ZPLD1: variants seen among roughly 807,000 people sequenced by gnomAD.
The protein encoded by ZPLD1 is zona pellucida-like domain-containing protein 1.
A neutral mutation model predicts 47.2 loss-of-function variants in ZPLD1; 34 were observed. That is an observed-to-expected ratio of 0.72 (90% CI 0.55 to 0.96). The LOEUF (loss-of-function observed/expected upper bound fraction) is 0.96. Ranked by LOEUF, ZPLD1 falls within the 40% of genes least tolerant of loss-of-function variation. ZPLD1 has a pLI of 0.00. For missense variants in ZPLD1, 512 were observed against 505.8 expected, an observed-to-expected ratio of 1.01 and a Z score of -0.12; for synonymous variants, 176 against 186.2, an observed-to-expected ratio of 0.95 and a Z score of 0.45.
At chr3:102,444,047 A>G (rs977846905) in intron 3 of ZPLD1, among the ~76,000 whole-genome samples, 1 of 152,254 alleles carries the variant, frequency 6.6e-6, no homozygotes, top group Admixed American at 6.5e-5. Context: ...AGTGGAGAAG[A>G]TAGCAATTAG....
At chr3:102,409,544 C>T (rs1488072255) in intron 7 of ZPLD1, among the ~76,000 whole-genome samples, 2 of 151,736 alleles carry the variant, frequency 1.3e-5, no homozygotes, top group Non-Finnish European at 2.9e-5. Flanking sequence ...GTTAAACTAT[C>T]AAAGATATAA....
chr3:102,388,093 C>G (rs1191736297), intron 6 of ZPLD1, among the ~76,000 whole-genome samples: 1 of 152,046 alleles, frequency 6.6e-6, no homozygotes, highest in Non-Finnish European at 1.5e-5. Context: ...ATTTCCTGAC[C>G]TCGTGATCCG....
chr3:102,426,360 A>T (rs578126882), intron 8 of ZPLD1, among the ~76,000 whole-genome samples: 129 of 152,182 alleles, frequency 8.5e-4, no homozygotes, highest in African/African-American at 2.9e-3. Flanking sequence ...TCTACTAAAA[A>T]TACAAAAATT....
At chr3:102,400,903 G>A (rs1706612310) in intron 7 of ZPLD1, among the ~76,000 whole-genome samples, 1 of 151,992 alleles carries the variant, frequency 6.6e-6, no homozygotes, top group Admixed American at 6.6e-5. Context: ...TTCAGCATGA[G>A]GCTACTAACC....
At chr3:102,416,502 T>C (rs949491389) in intron 7 of ZPLD1, among the ~76,000 whole-genome samples, 1 of 151,928 alleles carries the variant, frequency 6.6e-6, no homozygotes, top group African/African-American at 2.4e-5. Flanking sequence ...CTTGAAAACA[T>C]CTAGCTTGAT....
chr3:102,434,078 C>A (rs1707051710), upstream of ZPLD1, among the ~76,000 whole-genome samples: 1 of 152,058 alleles, frequency 6.6e-6, no homozygotes, highest in Non-Finnish European at 1.5e-5. Flanking sequence ...TTCTGCATTG[C>A]CATTTACTAT....
chr3:102,430,767 C>T (rs1707006815), upstream of ZPLD1, among the ~76,000 whole-genome samples: 1 of 152,068 alleles, frequency 6.6e-6, no homozygotes. Flanking sequence ...TGTGCTGTGC[C>T]TTCTCATAAA....
intron 7 of ZPLD1, among the ~76,000 whole-genome samples, chr3:102,403,797 G>A (rs1706651612): frequency 6.6e-6 from 1 of 151,928 alleles, no homozygotes; most frequent in Non-Finnish European, 1.5e-5. Flanking sequence ...GTAACAGGCG[G>A]TGTGAATTGA....
At chr3:102,464,843 T>A (rs1325665312) in intron 8 of ZPLD1, among the ~76,000 whole-genome samples, 1 of 152,232 alleles carries the variant, frequency 6.6e-6, no homozygotes, top group Non-Finnish European at 1.5e-5. Context: ...CATTCAATCA[T>A]CTCAGTTCCT....
chr3:102,409,009 A>G (rs1431742937), intron 7 of ZPLD1, among the ~76,000 whole-genome samples: 1 of 151,866 alleles, frequency 6.6e-6, no homozygotes, highest in Non-Finnish European at 1.5e-5. Context: ...AAATGTTGAC[A>G]AAAACATACT....
At chr3:102,457,640 T>C in intron 5 of ZPLD1, 141 bp from the exon 6 acceptor site, 1 of 683,986 alleles carries the variant, frequency 1.5e-6, no homozygotes, top group Non-Finnish European at 2.5e-6. Context: ...TGTTCAGAGA[T>C]TTAAACAGTA....
chr3:102,436,023 C>A (rs1251127977), intron 1 of ZPLD1, among the ~76,000 whole-genome samples: 2 of 152,168 alleles, frequency 1.3e-5, no homozygotes, highest in African/African-American at 4.8e-5. Context: ...ACATAAAAAT[C>A]AATATATTTT....
At chr3:102,459,423 C>G (rs1318185663) in intron 6 of ZPLD1, among the ~76,000 whole-genome samples, 2 of 152,098 alleles carry the variant, frequency 1.3e-5, no homozygotes, top group Non-Finnish European at 2.9e-5. Flanking sequence ...TTAAACTATT[C>G]TCTCACTGAA....
intron 8 of ZPLD1, among the ~76,000 whole-genome samples, chr3:102,468,133 C>T (rs1348944403): frequency 6.6e-6 from 1 of 152,008 alleles, no homozygotes; most frequent in Non-Finnish European, 1.5e-5. Flanking sequence ...CATTTTTACT[C>T]TCAAATAGGG....
chr3:102,431,792 C>T (rs536957588), upstream of ZPLD1, among the ~76,000 whole-genome samples: 1 of 152,256 alleles, frequency 6.6e-6, no homozygotes, highest in Admixed American at 6.5e-5. Flanking sequence ...GCCTGTAATC[C>T]CAGCTACTCA....
intron 7 of ZPLD1, among the ~76,000 whole-genome samples, chr3:102,393,390 A>G (rs1706522734): frequency 6.6e-6 from 1 of 152,192 alleles, no homozygotes; most frequent in Non-Finnish European, 1.5e-5. Context: ...AAAAAATCTT[A>G]TCTTCAATTG....
intron 7 of ZPLD1, among the ~76,000 whole-genome samples, chr3:102,413,919 TA>T (rs1297072619): frequency 6.6e-6 from 1 of 151,514 alleles, no homozygotes; most frequent in Admixed American, 6.6e-5. Flanking sequence ...TTTTTTTTTG[TA>T]AAAAAAATGA....
chr3:102,456,239 T>C lies in ZPLD1; in HGVS notation c.374T>C (p.Val125Ala). ...AGTGCTTATGGAAATGCAACTTCAG[T>C]GCAAGTAGGAAATATTTCAGGATAT... ...GVSAYGNATS[V>A]QVGNISGYID... The change falls in exon 5 of 12, where the codon GTG becomes GCG. Residue 125 changes from valine (V) to alanine (A), a missense_variant. Val to Ala is a moderately conservative substitution (Grantham distance 64, BLOSUM62 0). Coordinates refer to ENST00000466937, the MANE Select transcript of ZPLD1 (RefSeq NM_001329788.2). 2 of 1,613,786 alleles carry C rather than the reference T, an allele frequency of 1.2e-6. No individual in the cohort carries two copies. The highest frequency in any genetic ancestry group is 1.7e-6 in the Non-Finnish European group (2 of 1,179,864).
intron 6 of ZPLD1, among the ~76,000 whole-genome samples, chr3:102,460,237 A>G (rs1158253396): frequency 6.6e-6 from 1 of 152,132 alleles, no homozygotes; most frequent in Non-Finnish European, 1.5e-5. Context: ...CTAACCCTTG[A>G]GGATAATGAA....
Sources: gnomAD v4.1 joint callset for allele counts (sites outside exome capture counted in the v4.1 genomes callset) on GRCh38, gnomAD v4.1.1 for gene constraint, MANE v1.5 for transcripts, NCBI Gene and HGNC (gene_info 2026-07-23, HGNC 2026-07-21) for gene names.